PLSCR1: variants seen among roughly 807,000 people sequenced by gnomAD.
PLSCR1 encodes phospholipid scramblase 1.
Under a neutral mutation model 37.8 loss-of-function variants are expected in PLSCR1, and 17 were observed. That is an observed-to-expected ratio of 0.45 (90% CI 0.31 to 0.68). The LOEUF (loss-of-function observed/expected upper bound fraction) is 0.68, where lower values mean the gene tolerates loss of function less well. Ranked by LOEUF, PLSCR1 falls within the 30% of genes least tolerant of loss-of-function variation. PLSCR1 has a pLI of 0.06. For missense variants in PLSCR1, 347 were observed against 380.9 expected (o/e 0.91, Z 0.74); for synonymous variants, 116 against 125.9 (o/e 0.92, Z 0.53).
chr3:146,543,366 C>G (rs1471802416), intron 1 of PLSCR1, among the ~76,000 whole-genome samples: 1 of 152,216 alleles, frequency 6.6e-6, no homozygotes, highest in Non-Finnish European at 1.5e-5. Flanking sequence ...TCCACTCTTT[C>G]CCTTTATATG....
At chr3:146,527,107 A>C (rs1205147984) in intron 4 of PLSCR1, among the ~76,000 whole-genome samples, 1 of 152,188 alleles carries the variant, frequency 6.6e-6, no homozygotes, top group Non-Finnish European at 1.5e-5. Context: ...ATTGCACTCC[A>C]GCCTGGGTGA....
At chr3:146,524,155 T>C (rs2044072316) in intron 5 of PLSCR1, among the ~76,000 whole-genome samples, 1 of 152,162 alleles carries the variant, frequency 6.6e-6, no homozygotes, top group Non-Finnish European at 1.5e-5. Flanking sequence ...TGAGAGGACA[T>C]TCATTATCTA....
intron 3 of PLSCR1, among the ~76,000 whole-genome samples, chr3:146,532,042 A>G (rs549017026): frequency 6.6e-6 from 1 of 152,316 alleles, no homozygotes; most frequent in Admixed American, 6.5e-5. Flanking sequence ...AAGCATGGTA[A>G]GATCTCAATT....
At chr3:146,530,392 G>T (rs1398254932) in intron 3 of PLSCR1, among the ~76,000 whole-genome samples, 3 of 152,012 alleles carry the variant, frequency 2.0e-5, no homozygotes, top group Non-Finnish European at 2.9e-5. Flanking sequence ...AATGTGACTG[G>T]CTGTGTTGTA....
At chr3:146,535,885 A>G (rs34598718) in intron 2 of PLSCR1, among the ~76,000 whole-genome samples, 14,722 of 152,204 alleles carry the variant, frequency 0.097, 848 homozygotes, top group Non-Finnish European at 0.11. Flanking sequence ...TTACCTCAAC[A>G]AAGATGAAAG....
At chr3:146,529,545 C>T (rs2044167298) in intron 3 of PLSCR1, among the ~76,000 whole-genome samples, 1 of 149,162 alleles carries the variant, frequency 6.7e-6, no homozygotes, top group Admixed American at 6.8e-5. Flanking sequence ...CAGAGTCTTG[C>T]TCTGTCGCCC....
chr3:146,534,714 A>G (rs2044243437), intron 2 of PLSCR1, among the ~76,000 whole-genome samples: 1 of 152,026 alleles, frequency 6.6e-6, no homozygotes, highest in African/African-American at 2.4e-5. Flanking sequence ...CATCTCTACT[A>G]AAAATACAAA....
intron 1 of PLSCR1, among the ~76,000 whole-genome samples, chr3:146,539,937 C>T (rs2044315972): frequency 6.6e-6 from 1 of 152,152 alleles, no homozygotes; most frequent in Admixed American, 6.5e-5. Flanking sequence ...GCCTACATTC[C>T]TGTTTGCTGT....
At chr3:146,536,327 T>G (rs1170241384) in intron 2 of PLSCR1, among the ~76,000 whole-genome samples, 1 of 152,206 alleles carries the variant, frequency 6.6e-6, no homozygotes, top group Non-Finnish European at 1.5e-5. Flanking sequence ...CAAAAGGCTT[T>G]CGTATTTTTA....
At chr3:146,533,378 C>G in intron 3 of PLSCR1, 92 bp downstream of exon 3, 3 of 509,208 alleles carry the variant, frequency 5.9e-6, no homozygotes, top group Non-Finnish European at 7.0e-6. Context: ...ATGCACAATT[C>G]TCTCTCTCTC....
intron 7 of PLSCR1, among the ~76,000 whole-genome samples, chr3:146,521,079 C>G (rs2044012504): frequency 6.6e-6 from 1 of 151,926 alleles, no homozygotes; most frequent in South Asian, 2.1e-4. Flanking sequence ...ACATATTATA[C>G]TAATTTTCTC....
intron 1 of PLSCR1, among the ~76,000 whole-genome samples, chr3:146,543,279 C>T (rs1482316738): frequency 6.6e-6 from 1 of 152,200 alleles, no homozygotes; most frequent in Admixed American, 6.5e-5. Flanking sequence ...GTACTCTAAG[C>T]TCCTTTACAG....
chr3:146,527,478 A>G (rs1462252786), intron 4 of PLSCR1, among the ~76,000 whole-genome samples: 1 of 152,242 alleles, frequency 6.6e-6, no homozygotes, highest in Non-Finnish European at 1.5e-5. Context: ...TGTGTCAAAA[A>G]CAATTCAAAA....
At chr3:146,532,383 T>C (rs2044211015) in intron 3 of PLSCR1, among the ~76,000 whole-genome samples, 1 of 152,208 alleles carries the variant, frequency 6.6e-6, no homozygotes, top group Non-Finnish European at 1.5e-5. Flanking sequence ...TACTATTCCT[T>C]GAGTCCCACC....
chr3:146,517,195 A>G (rs1246129406), intron 7 of PLSCR1, 28 bp from the exon 8 acceptor site: 1 of 1,334,890 alleles, frequency 7.5e-7, no homozygotes, highest in East Asian at 2.5e-5. Context: ...AGTATTAAAT[A>G]CTTTTAGGAA....
chr3:146,540,308 C>G (rs1318466649), intron 1 of PLSCR1, among the ~76,000 whole-genome samples: 1 of 152,116 alleles, frequency 6.6e-6, no homozygotes, highest in Non-Finnish European at 1.5e-5. Flanking sequence ...TATTTGCATA[C>G]AAGTACATCT....
intron 1 of PLSCR1, chr3:146,536,815 A>T (rs974475293): frequency 2.9e-4 from 107 of 370,888 alleles, no homozygotes; most frequent in African/African-American, 1.9e-3. Flanking sequence ...GCCTTTTGGG[A>T]AGAGGGTCCA....
At chr3:146,528,941 G>GT (rs2044158064) in intron 3 of PLSCR1, 110 bp from the exon 4 acceptor site, 3 of 718,800 alleles carry the variant, frequency 4.2e-6, no homozygotes, top group South Asian at 3.8e-5. Flanking sequence ...GTAGACATCT[G>GT]TATCTGTGAT....
chr3:146,521,776 A>C, intron 6 of PLSCR1, 57 bp downstream of exon 6: 1 of 1,571,024 alleles, frequency 6.4e-7, no homozygotes, highest in Non-Finnish European at 8.7e-7. Flanking sequence ...GTTCAATGAC[A>C]GGGCAGAAAT....
Sources: gnomAD v4.1 joint callset for allele counts (sites outside exome capture counted in the v4.1 genomes callset) on GRCh38, gnomAD v4.1.1 for gene constraint, MANE v1.5 for transcripts, NCBI Gene and HGNC (gene_info 2026-07-23, HGNC 2026-07-21) for gene names.